The following AASDHPPT variants were observed in gnomAD, a reference collection of about 807,000 sequenced individuals.
The protein encoded by AASDHPPT is L-aminoadipate-semialdehyde dehydrogenase-phosphopantetheinyl transferase.
Under a neutral mutation model 36.4 loss-of-function variants are expected in AASDHPPT, and 23 were observed. That is an observed-to-expected ratio of 0.63 (90% CI 0.45 to 0.89). AASDHPPT has a LOEUF of 0.89. AASDHPPT is among the 40% of genes least tolerant of loss of function. The pLI, the probability that AASDHPPT is intolerant of heterozygous loss-of-function variation, is 0.00. For synonymous variants in AASDHPPT, 115 were observed against 128.0 expected, an observed-to-expected ratio of 0.90 and a Z score of 0.68; for missense variants, 377 against 378.2, an observed-to-expected ratio of 1.00 and a Z score of 0.03.
chr11:106,095,144 C>T (rs940476677), intron 5 of AASDHPPT, among the ~76,000 whole-genome samples: 2 of 152,008 alleles, frequency 1.3e-5, no homozygotes, highest in Admixed American at 6.6e-5. Flanking sequence ...AAATGTTACC[C>T]GCTTCTTCAC....
At chr11:106,096,314 T>A (rs992253080) in intron 5 of AASDHPPT, among the ~76,000 whole-genome samples, 25 of 152,292 alleles carry the variant, frequency 1.6e-4, no homozygotes, top group African/African-American at 5.3e-4. Context: ...GAAGTATACA[T>A]CTCTGTATAG....
intron 5 of AASDHPPT, 91 bp downstream of exon 5, chr11:106,094,745 C>A: frequency 2.1e-6 from 2 of 948,112 alleles, no homozygotes; most frequent in Non-Finnish European, 3.1e-6. Context: ...TGCCTTATAT[C>A]AGTTTAGAGA....
At chr11:106,085,548 T>G (rs1291224898) in intron 2 of AASDHPPT, among the ~76,000 whole-genome samples, 1 of 152,220 alleles carries the variant, frequency 6.6e-6, no homozygotes, top group East Asian at 1.9e-4. Flanking sequence ...GAGAATATAT[T>G]GGTGGCAAAT....
At chr11:106,092,944 T>C (rs1018976880) in intron 4 of AASDHPPT, 14 of 152,196 alleles carry the variant, frequency 9.2e-5, no homozygotes, top group African/African-American at 3.4e-4. Flanking sequence ...GCATTTTCCA[T>C]GTAACCATAT....
In AASDHPPT at chr11:106,098,460, A is replaced by T. The variant is rs1044935754; in HGVS notation, c.*1553A>T. On this transcript the variant is annotated 3_prime_UTR_variant, in exon 6 of 6. Transcript: ENST00000278618. Reference sequence around the variant, plus strand: ...TAATTTCATTGTTTCTGTTACTAACATTAAAAGTGTGCAAATTGTATAAAA... The same window carrying T: ...TAATTTCATTGTTTCTGTTACTAACTTTAAAAGTGTGCAAATTGTATAAAA... 6.6e-6 allele frequency: 1 copy of T among 152,068 alleles called. No homozygotes were observed. The highest frequency in any genetic ancestry group is 1.5e-5 in the Non-Finnish European group (1 of 67,956). 9.4% of individuals were successfully genotyped at this position (152,068 alleles called of 1,614,324 possible).
Position 106,096,969 on chromosome 11 carries a change from A to G in AASDHPPT, c.*62A>G. 1.4e-6 allele frequency: 2 copies of G among 1,450,520 alleles called. No homozygotes were observed. The highest frequency in any genetic ancestry group is 1.8e-6 in the Non-Finnish European group (2 of 1,088,128). The allele number at this position is 1,450,520 out of a possible 1,614,324, so 89.9% of individuals were successfully genotyped here. A position where few individuals can be genotyped will look rare whatever the true frequency, so the allele number is the denominator to read the frequency against. ...TGTGATCTTCCGTATTCACTGAAAAATAAATGCTTGTTTAGTATCAAATTT... is the reference window on the plus strand; with the variant it reads ...TGTGATCTTCCGTATTCACTGAAAAGTAAATGCTTGTTTAGTATCAAATTT... On this transcript the variant is annotated 3_prime_UTR_variant, in exon 6 of 6. Coordinates refer to ENST00000278618, the MANE Select transcript of AASDHPPT (RefSeq NM_015423.3).
chr11:106,097,612 T>C lies in AASDHPPT; in HGVS notation c.*705T>C, dbSNP rs1861329899. 2 of 152,158 alleles carry C rather than the reference T, an allele frequency of 1.3e-5. No individual in the cohort carries two copies. The highest frequency in any genetic ancestry group is 4.1e-4 in the South Asian group (2 of 4,832). 9.4% of individuals were successfully genotyped at this position (152,158 alleles called of 1,614,324 possible). A position where few individuals can be genotyped will look rare whatever the true frequency, so the allele number is the denominator to read the frequency against. On this transcript the variant is annotated 3_prime_UTR_variant, in exon 6 of 6. Coordinates refer to ENST00000278618, the MANE Select transcript of AASDHPPT (RefSeq NM_015423.3). ...CGATCACAAGAGCTGCTGCTATAAC[T>C]TCCAGTTTTACATCTTTGTAAAATT...
At position 106,078,415 on chromosome 11, in the gene AASDHPPT, T is replaced by C. The variant is rs1861089954; in HGVS notation, c.183+522T>C. On this transcript the variant is annotated intron_variant, in intron 1 of 5. Transcript: ENST00000278618. ...CCAATGAAATTGAAGCCAGAGAGGA[T>C]ACCTTCCTCACTAGATGCCATGGGA... Among the ~76,000 whole-genome samples, 4 of 152,206 alleles carry C rather than the reference T, an allele frequency of 2.6e-5. No individual in the cohort carries two copies. In the South Asian group the frequency reaches 8.3e-4, roughly 31 times the overall value.
chr11:106,080,272 C>T (rs977613330), intron 2 of AASDHPPT, among the ~76,000 whole-genome samples: 1 of 152,052 alleles, frequency 6.6e-6, no homozygotes, highest in Non-Finnish European at 1.5e-5. Flanking sequence ...TCCATAGGGC[C>T]GCATGCGCAG....
At chr11:106,079,757 G>A in intron 2 of AASDHPPT, 65 bp downstream of exon 2, 4 of 1,369,344 alleles carry the variant, frequency 2.9e-6, no homozygotes, top group Non-Finnish European at 4.1e-6. Context: ...TTGCTATTGA[G>A]TAATCTCAGG....
intron 3 of AASDHPPT, 53 bp from the exon 4 acceptor site, chr11:106,091,263 T>C (rs1205530386): frequency 6.6e-7 from 1 of 1,509,570 alleles, no homozygotes; most frequent in East Asian, 2.3e-5. Flanking sequence ...GTAGATTCTA[T>C]GAAAAATTTT....
Position 106,090,640 on chromosome 11 carries a change from G to C in AASDHPPT, c.493G>C (p.Asp165His). The C allele has an allele frequency of 6.3e-7, 1 of 1,598,522 alleles. No individual in the cohort carries two copies. The highest frequency in any genetic ancestry group is 8.5e-7 in the Non-Finnish European group (1 of 1,173,570). ...ATGGGAAACAATCAGAAGCTTTAAG[G>C]ATGAGTGGACTCAGCTGGATATGTT... is the stretch of plus-strand genomic sequence containing the variant. ...KEWETIRSFK[D>H]EWTQLDMFYR... Residue 165 changes from aspartate (D) to histidine (H), a missense_variant, in exon 3 of 6, where the codon GAT (aspartate) becomes CAT (histidine). Asp to His is a moderately conservative substitution (Grantham distance 81). Coordinates refer to ENST00000278618, the MANE Select transcript of AASDHPPT (RefSeq NM_015423.3).
chr11:106,083,876 T>G lies in AASDHPPT; in HGVS notation c.409+4184T>G, dbSNP rs1861169348. The stretch of plus-strand genomic sequence containing the variant: ...TGAATTCTTTTCAAACGAGACAGAG[T>G]TCAGAATTTATCAAAGAATGGATAT... On this transcript the variant is annotated intron_variant, in intron 2 of 5. Coordinates refer to ENST00000278618, the MANE Select transcript of AASDHPPT (RefSeq NM_015423.3). Among the ~76,000 whole-genome samples the G allele has an allele frequency of 2.0e-5, 3 of 152,012 alleles. No individual in the cohort carries two copies. The South Asian group carries it at 6.2e-4, about 32-fold the overall frequency.
intron 3 of AASDHPPT, 53 bp from the exon 4 acceptor site, chr11:106,091,263 T>A (rs1205530386): frequency 6.6e-7 from 1 of 1,509,570 alleles, no homozygotes; most frequent in East Asian, 2.3e-5. Context: ...GTAGATTCTA[T>A]GAAAAATTTT....
intron 2 of AASDHPPT, among the ~76,000 whole-genome samples, chr11:106,084,202 A>G (rs909778103): frequency 1.3e-5 from 2 of 152,172 alleles, no homozygotes; most frequent in African/African-American, 4.8e-5. Context: ...GGAAAAGAAC[A>G]ATCATATAGA....
At position 106,094,636 on chromosome 11, in the gene AASDHPPT, T is replaced by C. The variant is rs773811849; in HGVS notation, c.747T>C (p.Asp249=). The C allele has an allele frequency of 1.9e-5, 30 of 1,606,368 alleles. No homozygotes were observed. The highest frequency in any genetic ancestry group is 3.3e-4 in the Middle Eastern group (2 of 6,052). Residue 249 remains aspartate (D), a synonymous_variant, in exon 5 of 6, where the codon GAT becomes GAC. Transcript: ENST00000278618. ...TTGCAGTTGCTCTTAGGAAACCCGATGGATCTAGACATCAGGATGTAAGAT... is the reference window on the plus strand; with the variant it reads ...TTGCAGTTGCTCTTAGGAAACCCGACGGATCTAGACATCAGGATGTAAGAT... ...HFVAVALRKP[D]GSRHQDVPSQ...
chr11:106,083,919 A>G (rs909828607), intron 2 of AASDHPPT, among the ~76,000 whole-genome samples: 4 of 152,164 alleles, frequency 2.6e-5, no homozygotes, highest in Non-Finnish European at 5.9e-5. Context: ...TAAAAAAATT[A>G]TATTCCAAAA....
chr11:106,079,829 G>A, intron 2 of AASDHPPT, 137 bp downstream of exon 2: 1 of 685,432 alleles, frequency 1.5e-6, no homozygotes, highest in Non-Finnish European at 2.4e-6. Context: ...CAAAGGTAAT[G>A]GAGAGCATAA....
intron 2 of AASDHPPT, among the ~76,000 whole-genome samples, chr11:106,089,112 T>A (rs1421828062): frequency 1.3e-5 from 2 of 152,088 alleles, no homozygotes; most frequent in East Asian, 3.9e-4. Flanking sequence ...TACCTAGCAC[T>A]TGTATGCTTT....
Sources: gnomAD v4.1 joint callset for allele counts (sites outside exome capture counted in the v4.1 genomes callset) on GRCh38, gnomAD v4.1.1 for gene constraint, MANE v1.5 for transcripts, NCBI Gene and HGNC (gene_info 2026-07-23, HGNC 2026-07-21) for gene names.